ERC2: variants seen among roughly 807,000 people sequenced by gnomAD.
ERC2 encodes ELKS/RAB6-interacting/CAST family member 2.
A neutral mutation model predicts 114.8 loss-of-function variants in ERC2; 42 were observed. The ratio of observed to expected loss-of-function variants is 0.37; its 90% CI spans 0.29 to 0.47. The LOEUF (loss-of-function observed/expected upper bound fraction) is 0.47, where lower values mean the gene tolerates loss of function less well. Ranked by LOEUF, ERC2 falls within the 20% of genes least tolerant of loss-of-function variation. ERC2 has a pLI of 0.99. For missense variants in ERC2, 939 were observed against 1,150.7 expected, an observed-to-expected ratio of 0.82 and a Z score of 2.66; for synonymous variants, 454 against 425.5, an observed-to-expected ratio of 1.07 and a Z score of -0.82.
chr3:55,799,637 G>C (rs899083944), intron 14 of ERC2, among the ~76,000 whole-genome samples: 1 of 151,792 alleles, frequency 6.6e-6, no homozygotes, highest in African/African-American at 2.4e-5. Context: ...TAGGAATGGA[G>C]GATGTGCCTT....
At chr3:56,441,133 A>G (rs1051569412) in intron 1 of ERC2, among the ~76,000 whole-genome samples, 4 of 152,330 alleles carry the variant, frequency 2.6e-5, no homozygotes, top group East Asian at 1.9e-4. Context: ...CATGATGCAA[A>G]GAAGTCCAAG....
chr3:55,838,127 C>T (rs867631533), intron 14 of ERC2, among the ~76,000 whole-genome samples: 2 of 152,000 alleles, frequency 1.3e-5, no homozygotes, highest in Admixed American at 1.3e-4. Flanking sequence ...GACTTTAACA[C>T]TTCTCTCTCA....
At chr3:55,759,189 C>T (rs536480516) in intron 14 of ERC2, among the ~76,000 whole-genome samples, 1 of 152,214 alleles carries the variant, frequency 6.6e-6, no homozygotes, top group Admixed American at 6.5e-5. Context: ...AAGCACATTG[C>T]AAATGGTATT....
chr3:55,720,974 A>G (rs1373886), intron 15 of ERC2, among the ~76,000 whole-genome samples: 82,953 of 152,096 alleles, frequency 0.55, 23,032 homozygotes, highest in South Asian at 0.69. Flanking sequence ...CAATGTACCC[A>G]TTTTATAGGA....
intron 2 of ERC2, among the ~76,000 whole-genome samples, chr3:56,311,233 C>T (rs1256810172): frequency 7.9e-5 from 1 of 12,714 alleles, no homozygotes; most frequent in East Asian, 1.4e-3. Context: ...CCATCATCTT[C>T]TCTCTCTCTC....
At chr3:56,302,966 C>A (rs992298584) in intron 2 of ERC2, among the ~76,000 whole-genome samples, 2 of 152,208 alleles carry the variant, frequency 1.3e-5, no homozygotes, top group African/African-American at 4.8e-5. Flanking sequence ...CACAGCTTAG[C>A]GCTTATGGCA....
chr3:56,040,754 A>G (rs1200830978), intron 7 of ERC2, among the ~76,000 whole-genome samples: 2 of 138,302 alleles, frequency 1.4e-5, no homozygotes, highest in African/African-American at 5.2e-5. Context: ...AGAGAGAGAT[A>G]TAGATACATA....
At chr3:55,839,050 A>G (rs959921714) in intron 14 of ERC2, among the ~76,000 whole-genome samples, 1 of 151,914 alleles carries the variant, frequency 6.6e-6, no homozygotes, top group East Asian at 1.9e-4. Flanking sequence ...ATCATAACCA[A>G]ATTACTTAAA....
intron 2 of ERC2, among the ~76,000 whole-genome samples, chr3:56,302,699 C>T (rs115233160): frequency 0.022 from 3,307 of 152,322 alleles, 41 homozygotes; most frequent in South Asian, 0.063. Context: ...GCATTCATTT[C>T]ATCTTGTTAC....
intron 14 of ERC2, among the ~76,000 whole-genome samples, chr3:55,772,955 C>T (rs370605540): frequency 2.0e-5 from 3 of 152,220 alleles, no homozygotes; most frequent in Admixed American, 6.5e-5. Flanking sequence ...TGACGCACCA[C>T]CCCACTGCCA....
chr3:55,763,338 A>C (rs1340488709), intron 14 of ERC2, among the ~76,000 whole-genome samples: 2 of 152,230 alleles, frequency 1.3e-5, no homozygotes, highest in East Asian at 3.8e-4. Context: ...ACAGATGTCT[A>C]GTATTGCTAG....
intron 15 of ERC2, among the ~76,000 whole-genome samples, chr3:55,708,898 G>C (rs985678137): frequency 3.3e-5 from 5 of 151,636 alleles, no homozygotes; most frequent in African/African-American, 9.7e-5. Context: ...AAGGAGAAGA[G>C]AGGGAAGAGA....
chr3:55,806,099 C>A (rs187062823), intron 14 of ERC2, among the ~76,000 whole-genome samples: 113 of 152,110 alleles, frequency 7.4e-4, no homozygotes, highest in Non-Finnish European at 1.3e-3. Context: ...CTTTGGGATG[C>A]CAAGGTGCGC....
intron 2 of ERC2, among the ~76,000 whole-genome samples, chr3:56,387,464 T>C (rs775845900): frequency 2.0e-5 from 3 of 152,164 alleles, no homozygotes; most frequent in African/African-American, 7.2e-5. Flanking sequence ...ATACTAAATA[T>C]TAACTCCCTG....
At chr3:55,878,392 GC>G (rs1288903879) in intron 14 of ERC2, among the ~76,000 whole-genome samples, 2 of 151,950 alleles carry the variant, frequency 1.3e-5, no homozygotes, top group African/African-American at 2.4e-5. Flanking sequence ...TTCTCCTCAG[GC>G]CCCCTTCCTC....
intron 5 of ERC2, among the ~76,000 whole-genome samples, chr3:56,148,095 A>G (rs536002680): frequency 1.1e-3 from 173 of 152,302 alleles, no homozygotes; most frequent in Non-Finnish European, 1.7e-3. Context: ...TAATCAGACA[A>G]GGGACTAAGG....
At chr3:56,344,928 T>G (rs1223692717) in intron 2 of ERC2, among the ~76,000 whole-genome samples, 1 of 152,200 alleles carries the variant, frequency 6.6e-6, no homozygotes, top group East Asian at 1.9e-4. Flanking sequence ...TGAAAACCAA[T>G]GTACCAGTTC....
intron 17 of ERC2, among the ~76,000 whole-genome samples, chr3:55,679,720 A>G (rs2061969910): frequency 6.6e-6 from 1 of 152,270 alleles, no homozygotes; most frequent in Non-Finnish European, 1.5e-5. Flanking sequence ...CATTAAAAGC[A>G]GCAGTAGCTA....
At chr3:56,397,220 G>A (rs1193218513) in intron 2 of ERC2, among the ~76,000 whole-genome samples, 2 of 152,104 alleles carry the variant, frequency 1.3e-5, no homozygotes, top group African/African-American at 2.4e-5. Flanking sequence ...ACAGTGGCAT[G>A]CACCTGTAGT....
Sources: gnomAD v4.1 joint callset for allele counts (sites outside exome capture counted in the v4.1 genomes callset) on GRCh38, gnomAD v4.1.1 for gene constraint, MANE v1.5 for transcripts, NCBI Gene and HGNC (gene_info 2026-07-23, HGNC 2026-07-21) for gene names.